Variants in RMND1 observed in about 807,000 individuals in gnomAD.
RMND1 encodes required for meiotic nuclear division 1 homolog.
In RMND1, 41 loss-of-function variants were observed where a neutral mutation model predicts 54.0. That is an observed-to-expected ratio of 0.76 (90% CI 0.59 to 0.98). RMND1 has a LOEUF of 0.98. Ranked by LOEUF, RMND1 falls within the 50% of genes least tolerant of loss-of-function variation. The probability of loss-of-function intolerance (pLI) is 0.00; values close to 1 mark genes in which losing one functional copy is unlikely to be tolerated. For missense variants in RMND1, 457 were observed against 532.0 expected (o/e 0.86, Z 1.39); for synonymous variants, 183 against 181.7 (o/e 1.01, Z -0.06).
chr6:151,451,368 A>C (rs1304862067), intron 1 of RMND1, among the ~76,000 whole-genome samples: 2 of 152,218 alleles, frequency 1.3e-5, no homozygotes, highest in African/African-American at 2.4e-5. Flanking sequence ...CTAGTTGCTG[A>C]CAATACAGCT....
chr6:151,437,408 G>A (rs1168825010), intron 2 of RMND1, among the ~76,000 whole-genome samples: 1 of 152,196 alleles, frequency 6.6e-6, no homozygotes, highest in Admixed American at 6.5e-5. Flanking sequence ...ACTATAAGAT[G>A]TGGTCAATAA....
intron 2 of RMND1, chr6:151,445,004 C>T (rs2100148540): frequency 3.7e-6 from 1 of 270,754 alleles, no homozygotes; most frequent in Admixed American, 5.1e-5. Flanking sequence ...TTTTACAGTC[C>T]CATTCTTAGA....
chr6:151,448,838 C>G (rs1252744487), intron 1 of RMND1, among the ~76,000 whole-genome samples: 1 of 152,144 alleles, frequency 6.6e-6, no homozygotes, highest in African/African-American at 2.4e-5. Flanking sequence ...CCTGTAATCT[C>G]AGCACTTTGG....
chr6:151,406,493 C>G (rs1284469144), intron 10 of RMND1, among the ~76,000 whole-genome samples: 1 of 152,076 alleles, frequency 6.6e-6, no homozygotes, highest in Non-Finnish European at 1.5e-5. Context: ...TCCCAAATAG[C>G]TGGGACTACA....
chr6:151,435,144 G>A (rs895235673), intron 3 of RMND1, among the ~76,000 whole-genome samples: 3 of 148,114 alleles, frequency 2.0e-5, no homozygotes, highest in South Asian at 2.1e-4. Flanking sequence ...CATCACGCCC[G>A]GCCTATTTAT....
intron 5 of RMND1, among the ~76,000 whole-genome samples, 200 bp downstream of exon 5, chr6:151,429,938 A>G (rs1044840800): frequency 6.6e-6 from 1 of 152,212 alleles, no homozygotes; most frequent in Admixed American, 6.5e-5. Flanking sequence ...GTGTGTGTCT[A>G]GAGAAAGGAA....
chr6:151,405,140 G>A lies in RMND1; in HGVS notation c.*95C>T. On this transcript the variant is annotated 3_prime_UTR_variant, in exon 12 of 12. Transcript: ENST00000444024. The stretch of plus-strand genomic sequence containing the variant: ...CCTTCTTGGCCTCCGAAAGTGCTGG[G>A]ATTACAGGCATGAGGCACCGCGCCG... 9.1e-7 allele frequency: 1 copy of A among 1,100,682 alleles called. No homozygotes were observed. Among genetic ancestry groups the A allele is most frequent in the East Asian group, 2.4e-5 (1 of 41,444 alleles). The allele number at this position is 1,100,682 out of a possible 1,614,324, so 68.2% of individuals were successfully genotyped here.
intron 10 of RMND1, among the ~76,000 whole-genome samples, chr6:151,410,016 CTT>C (rs563276823): frequency 8.8e-4 from 133 of 151,338 alleles, no homozygotes; most frequent in African/African-American, 3.1e-3. Context: ...CTTTCTTCTA[CTT>C]TTTGAGGGGG....
At chr6:151,433,816 A>T (rs937164746) in intron 3 of RMND1, among the ~76,000 whole-genome samples, 5 of 150,210 alleles carry the variant, frequency 3.3e-5, no homozygotes, top group African/African-American at 7.3e-5. Context: ...GCAACTATTT[A>T]AAAAAAAAGT....
chr6:151,416,755 C>G (rs571612437), intron 10 of RMND1: 1 of 152,274 alleles, frequency 6.6e-6, no homozygotes, highest in African/African-American at 2.4e-5. Flanking sequence ...GCCTGCATGA[C>G]GGAGCTAATT....
chr6:151,436,690 C>T, intron 2 of RMND1, 136 bp from the exon 3 acceptor site: 2 of 703,284 alleles, frequency 2.8e-6, no homozygotes, highest in Admixed American at 3.0e-5. Context: ...AAGGGTGATA[C>T]AAGGGATGGG....
At chr6:151,427,619 G>T in intron 5 of RMND1, 37 bp from the exon 6 acceptor site, 1 of 1,277,890 alleles carries the variant, frequency 7.8e-7, no homozygotes, top group South Asian at 1.2e-5. Flanking sequence ...AATCATAACT[G>T]ACTCCCTCAG....
intron 6 of RMND1, among the ~76,000 whole-genome samples, chr6:151,424,209 C>T (rs1163629196): frequency 6.6e-6 from 1 of 152,048 alleles, no homozygotes; most frequent in Non-Finnish European, 1.5e-5. Context: ...GCCTGTAACC[C>T]CAGCACTCCG....
rs1267359021 is a variant in RMND1 at position 151,445,728 on chromosome 6, T to C, written c.84A>G (p.Leu28=). The change falls in exon 2 of 12, where the codon CTA becomes CTG. Residue 28 remains leucine, a synonymous_variant. Transcript: ENST00000444024. ...KAHQCRRIGH[L]MLKPLKEFEN... ...CAAATTCCTTAAGTGGTTTTAACAT[T>C]AGATGACCGATTCTTCGGCACTGAT... is the stretch of plus-strand genomic sequence containing the variant. 5.0e-6 allele frequency: 8 copies of C among 1,614,098 alleles called. No homozygotes were observed. In the Admixed American group the frequency reaches 5.0e-5, roughly 10 times the overall value.
In RMND1 at chr6:151,414,717, G is replaced by C. The variant is rs762837217; in HGVS notation, c.1200+2562C>G. 2.9e-4 allele frequency among the ~76,000 whole-genome samples: 44 copies of C among 152,130 alleles called. 1 individual carries two copies. Among genetic ancestry groups the C allele is most frequent in the Non-Finnish European group, 8.8e-5 (6 of 68,022 alleles). ...GGAAGGAATCAATCAACTAGAAGAT[G>C]AAACAAAGGACATTACCCAATCTTA... On this transcript the variant is annotated intron_variant, in intron 10 of 11. Transcript: ENST00000444024.
chr6:151,448,553 T>C (rs1251947787), intron 1 of RMND1, among the ~76,000 whole-genome samples: 1 of 152,216 alleles, frequency 6.6e-6, no homozygotes, highest in Non-Finnish European at 1.5e-5. Flanking sequence ...TTATTCTCCA[T>C]ATCCAACTTC....
intron 3 of RMND1, 93 bp downstream of exon 3, chr6:151,436,353 T>C (rs577815779): frequency 7.1e-7 from 1 of 1,414,146 alleles, no homozygotes; most frequent in African/African-American, 1.4e-5. Context: ...CAAAAGAAAA[T>C]GAATTGCAAA....
intron 2 of RMND1, chr6:151,436,762 T>G (rs140281032): frequency 2.2e-6 from 1 of 452,838 alleles, no homozygotes; most frequent in East Asian, 3.4e-5. Context: ...GAAAAGAACT[T>G]GCTCCCTCCC....
At chr6:151,449,992 C>T (rs868408122) in intron 1 of RMND1, among the ~76,000 whole-genome samples, 1 of 152,204 alleles carries the variant, frequency 6.6e-6, no homozygotes, top group African/African-American at 2.4e-5. Flanking sequence ...GTGATCGAGG[C>T]TCGCTACAAC....
Sources: gnomAD v4.1 joint callset for allele counts (sites outside exome capture counted in the v4.1 genomes callset) on GRCh38, gnomAD v4.1.1 for gene constraint, MANE v1.5 for transcripts, NCBI Gene and HGNC (gene_info 2026-07-23, HGNC 2026-07-21) for gene names.